The following CADPS2 variants were observed in gnomAD, a reference collection of about 807,000 sequenced individuals.
CADPS2 encodes the protein calcium-dependent secretion activator 2.
A neutral mutation model predicts 172.5 loss-of-function variants in CADPS2; 93 were observed. The ratio of observed to expected loss-of-function variants is 0.54; its 90% CI spans 0.46 to 0.64. The LOEUF (loss-of-function observed/expected upper bound fraction) is 0.64, where lower values mean the gene tolerates loss of function less well. Among genes scored for constraint, CADPS2 ranks in the 30% least tolerant of loss-of-function variants. The probability of loss-of-function intolerance (pLI) is 0.00; values close to 1 mark genes in which losing one functional copy is unlikely to be tolerated. For synonymous variants in CADPS2, 546 were observed against 555.2 expected, an observed-to-expected ratio of 0.98 and a Z score of 0.23; for missense variants, 1,420 against 1,565.9, an observed-to-expected ratio of 0.91 and a Z score of 1.57.
intron 1 of CADPS2, among the ~76,000 whole-genome samples, chr7:122,880,664 G>A (rs574062632): frequency 2.2e-4 from 33 of 152,112 alleles, no homozygotes; most frequent in Non-Finnish European, 7.4e-5. Flanking sequence ...TAATTACCTT[G>A]GGGTACAACC....
chr7:122,616,773 A>T (rs911179758), intron 5 of CADPS2, among the ~76,000 whole-genome samples: 4 of 152,142 alleles, frequency 2.6e-5, no homozygotes, highest in African/African-American at 9.7e-5. Context: ...AAAATAAGCA[A>T]AGGAAGTTAT....
chr7:122,606,844 C>T (rs2073625939), intron 6 of CADPS2, among the ~76,000 whole-genome samples: 1 of 151,976 alleles, frequency 6.6e-6, no homozygotes, highest in Non-Finnish European at 1.5e-5. Context: ...AAAGAGGACA[C>T]ACAGTCTATA....
rs1396071498 is a variant in CADPS2 at position 122,541,771 on chromosome 7, T to A, written c.1475+12779A>T. Among the ~76,000 whole-genome samples, 4 of 144,506 alleles carry A rather than the reference T, an allele frequency of 2.8e-5. No homozygotes were observed. The East Asian group carries it at 7.9e-4, about 28-fold the overall frequency. The allele number at this position is 144,506 out of a possible 152,430, so 94.8% of individuals were successfully genotyped here. A position where few individuals can be genotyped will look rare whatever the true frequency, so the allele number is the denominator to read the frequency against. On this transcript the variant is annotated intron_variant, in intron 8 of 29. Coordinates refer to ENST00000449022, the MANE Select transcript of CADPS2 (RefSeq NM_017954.11). Reference sequence around the variant, plus strand: ...TACATATATTCATATATTTATATATTCACATATATTCATATATTTATATAT... The same window carrying A: ...TACATATATTCATATATTTATATATACACATATATTCATATATTTATATAT...
At chr7:122,404,616 A>G (rs921046647) in intron 20 of CADPS2, among the ~76,000 whole-genome samples, 3 of 152,158 alleles carry the variant, frequency 2.0e-5, no homozygotes, top group African/African-American at 4.8e-5. Context: ...CCAACAGTGG[A>G]AAGGTGTTCC....
intron 9 of CADPS2, among the ~76,000 whole-genome samples, chr7:122,498,800 C>A (rs573780895): frequency 2.8e-4 from 42 of 152,024 alleles, no homozygotes; most frequent in African/African-American, 9.9e-4. Flanking sequence ...AATTTCATCA[C>A]CTTAAATAAA....
chr7:122,519,567 G>C (rs2060623045), intron 8 of CADPS2, among the ~76,000 whole-genome samples: 1 of 144,826 alleles, frequency 6.9e-6, no homozygotes, highest in Non-Finnish European at 1.5e-5. Context: ...TCCCTCTCTT[G>C]GGTTATTTCA....
chr7:122,782,628 C>A (rs1323453227), intron 1 of CADPS2, among the ~76,000 whole-genome samples: 2 of 152,092 alleles, frequency 1.3e-5, no homozygotes, highest in African/African-American at 4.8e-5. Flanking sequence ...ACAACAACAA[C>A]AACAAAAAAT....
At chr7:122,485,966 T>C (rs968035851) in intron 11 of CADPS2, among the ~76,000 whole-genome samples, 1 of 152,162 alleles carries the variant, frequency 6.6e-6, no homozygotes, top group African/African-American at 2.4e-5. Context: ...TGATGGTGCA[T>C]CTGTTTACAG....
chr7:122,395,634 CA>C (rs1295669166), intron 20 of CADPS2: 1 of 152,052 alleles, frequency 6.6e-6, no homozygotes, highest in African/African-American at 2.4e-5. Context: ...CTGTAGTATG[CA>C]AATTAAAAAA....
At chr7:122,717,916 C>T (rs548308378) in intron 2 of CADPS2, among the ~76,000 whole-genome samples, 7 of 150,716 alleles carry the variant, frequency 4.6e-5, no homozygotes, top group African/African-American at 1.5e-4. Flanking sequence ...TTCAAGTGAT[C>T]CTCTGCTTCA....
chr7:122,410,783 ATG>A (rs951092575), intron 19 of CADPS2, among the ~76,000 whole-genome samples: 1 of 152,266 alleles, frequency 6.6e-6, no homozygotes. Flanking sequence ...TATAAATCTT[ATG>A]TGAGTTTATG....
intron 1 of CADPS2, among the ~76,000 whole-genome samples, chr7:122,760,458 T>C (rs2093339573): frequency 6.6e-6 from 1 of 152,044 alleles, no homozygotes; most frequent in Admixed American, 6.6e-5. Context: ...CAACAAAATT[T>C]TGGAAACTGG....
rs569323233 is a variant in CADPS2 at position 122,550,693 on chromosome 7, G to T, written c.1475+3857C>A. Reference sequence around the variant, plus strand: ...GTTATTTGAGTTTTAAGTTAATACTGTTACTTAGCCACTAGGCTATGCTAA... The same window carrying T: ...GTTATTTGAGTTTTAAGTTAATACTTTTACTTAGCCACTAGGCTATGCTAA... On this transcript the variant is annotated intron_variant, in intron 8 of 29. Transcript: ENST00000449022. 2.6e-5 allele frequency among the ~76,000 whole-genome samples: 4 copies of T among 152,202 alleles called. No homozygotes were observed. The South Asian group carries it at 8.3e-4, about 32-fold the overall frequency.
At chr7:122,604,190 A>G (rs1481572521) in intron 6 of CADPS2, among the ~76,000 whole-genome samples, 1 of 152,086 alleles carries the variant, frequency 6.6e-6, no homozygotes, top group East Asian at 1.9e-4. Context: ...GAACTTATTT[A>G]CCAATTCATA....
intron 2 of CADPS2, among the ~76,000 whole-genome samples, chr7:122,673,311 A>C (rs2082057340): frequency 6.6e-6 from 1 of 152,224 alleles, no homozygotes; most frequent in Admixed American, 6.5e-5. Context: ...CACATCCTGC[A>C]GATTGGTCCA....
At chr7:122,692,607 C>T (rs1056202265) in intron 2 of CADPS2, among the ~76,000 whole-genome samples, 4 of 152,158 alleles carry the variant, frequency 2.6e-5, no homozygotes, top group South Asian at 2.1e-4. Context: ...GCCACATAGC[C>T]GACCCAAGAC....
chr7:122,619,371 A>AGTG (rs1481914928), intron 5 of CADPS2, among the ~76,000 whole-genome samples: 1 of 151,880 alleles, frequency 6.6e-6, no homozygotes, highest in Non-Finnish European at 1.5e-5. Flanking sequence ...CAAGCCTGTA[A>AGTG]TCCTAGCACT....
chr7:122,765,335 T>TA (rs1348172881), intron 1 of CADPS2, among the ~76,000 whole-genome samples: 1 of 152,138 alleles, frequency 6.6e-6, no homozygotes, highest in African/African-American at 2.4e-5. Flanking sequence ...CCTGTATTTT[T>TA]AAAAATGATA....
intron 1 of CADPS2, among the ~76,000 whole-genome samples, chr7:122,741,571 G>A (rs1051768919): frequency 9.2e-5 from 14 of 152,048 alleles, no homozygotes; most frequent in African/African-American, 3.4e-4. Context: ...TTGACTCTGT[G>A]TCTATTTTTT....
Sources: gnomAD v4.1 joint callset for allele counts (sites outside exome capture counted in the v4.1 genomes callset) on GRCh38, gnomAD v4.1.1 for gene constraint, MANE v1.5 for transcripts, NCBI Gene and HGNC (gene_info 2026-07-23, HGNC 2026-07-21) for gene names.